Variants in DNAH9 observed in about 807,000 individuals in gnomAD.
The protein encoded by DNAH9 is DNAH9 variant protein.
A neutral mutation model predicts 471.6 loss-of-function variants in DNAH9; 345 were observed. The ratio of observed to expected loss-of-function variants is 0.73; its 90% CI spans 0.67 to 0.80. The LOEUF (loss-of-function observed/expected upper bound fraction) is 0.80, where lower values mean the gene tolerates loss of function less well. Among genes scored for constraint, DNAH9 ranks in the 30% least tolerant of loss-of-function variants. The pLI, the probability that DNAH9 is intolerant of heterozygous loss-of-function variation, is 0.00. For synonymous variants in DNAH9, 2,093 were observed against 2,123.6 expected, an observed-to-expected ratio of 0.99 and a Z score of 0.40; for missense variants, 5,407 against 5,609.2, an observed-to-expected ratio of 0.96 and a Z score of 1.15.
intron 1 of DNAH9, among the ~76,000 whole-genome samples, chr17:11,602,895 A>G (rs145184588): frequency 5.9e-5 from 9 of 152,152 alleles, no homozygotes; most frequent in African/African-American, 1.9e-4. Context: ...CCTGACTACA[A>G]CAGTCCTTTG....
At chr17:11,944,245 CAGA>C (rs1288870250) in intron 67 of DNAH9, among the ~76,000 whole-genome samples, 3 of 152,154 alleles carry the variant, frequency 2.0e-5, no homozygotes, top group Non-Finnish European at 4.4e-5. Context: ...CCTTCCCTTG[CAGA>C]AGGACAGTCT....
At chr17:11,810,758 C>T (rs1321109652) in intron 45 of DNAH9, among the ~76,000 whole-genome samples, 1 of 152,130 alleles carries the variant, frequency 6.6e-6, no homozygotes, top group Non-Finnish European at 1.5e-5. Context: ...CAGGAAGATA[C>T]ACAAAAAGAG....
chr17:11,758,711 G>A (rs755952839), intron 35 of DNAH9, among the ~76,000 whole-genome samples: 6 of 152,026 alleles, frequency 3.9e-5, no homozygotes, highest in South Asian at 4.1e-4. Context: ...CATATGCCCC[G>A]CCCCACACCC....
At chr17:11,834,978 G>A in intron 49 of DNAH9, 80 bp downstream of exon 49, 3 of 1,528,354 alleles carry the variant, frequency 2.0e-6, no homozygotes, top group Non-Finnish European at 2.6e-6. Context: ...CCCAAGAGAT[G>A]CAAGGACAAT....
intron 49 of DNAH9, among the ~76,000 whole-genome samples, chr17:11,843,483 G>C (rs1257971846): frequency 6.6e-6 from 1 of 151,878 alleles, no homozygotes; most frequent in Non-Finnish European, 1.5e-5. Context: ...TATATACTTT[G>C]TGTACTAGGA....
At position 11,598,755 on chromosome 17, in the gene DNAH9, G is replaced by T; in HGVS notation, c.257G>T (p.Gly86Val). 7.0e-7 allele frequency: 1 copy of T among 1,435,736 alleles called. No homozygotes were observed. Among genetic ancestry groups the T allele is most frequent in the East Asian group, 2.9e-5 (1 of 34,014 alleles). The allele number at this position is 1,435,736 out of a possible 1,614,324, so 88.9% of individuals were successfully genotyped here. A position where few individuals can be genotyped will look rare whatever the true frequency, so the allele number is the denominator to read the frequency against. Reference sequence around the variant, plus strand: ...CCCAGGGGCCTGGCAATACGCCCCGGGCTGGAGGTGGGACCTGAGTCGGGC... The same window carrying T: ...CCCAGGGGCCTGGCAATACGCCCCGTGCTGGAGGTGGGACCTGAGTCGGGC... The part of the protein sequence containing the change: ...PGPRGLAIRP[G>V]LEVGPESGLA... The change falls in exon 1 of 69, where the codon GGG becomes GTG. Residue 86 changes from glycine (G) to valine (V), a missense_variant. Coordinates refer to ENST00000262442, the MANE Select transcript of DNAH9 (RefSeq NM_001372.4).
At chr17:11,687,091 C>T (rs1316877929) in intron 19 of DNAH9, among the ~76,000 whole-genome samples, 1 of 152,138 alleles carries the variant, frequency 6.6e-6, no homozygotes. Flanking sequence ...TTCTTTCTTC[C>T]TCATAAGGGA....
At chr17:11,720,859 A>G (rs949467114) in intron 27 of DNAH9, among the ~76,000 whole-genome samples, 1 of 152,182 alleles carries the variant, frequency 6.6e-6, no homozygotes, top group Non-Finnish European at 1.5e-5. Flanking sequence ...GCTTTTATTG[A>G]TGAACACATT....
intron 50 of DNAH9, among the ~76,000 whole-genome samples, chr17:11,855,357 TTTAA>T (rs1231086000): frequency 6.6e-6 from 1 of 152,218 alleles, no homozygotes; most frequent in Non-Finnish European, 1.5e-5. Flanking sequence ...GTTACAACAA[TTTAA>T]TTAATTACAG....
intron 19 of DNAH9, 25 bp from the exon 20 acceptor site, chr17:11,689,541 C>A (rs376587540): frequency 6.3e-7 from 1 of 1,585,088 alleles, no homozygotes; most frequent in Non-Finnish European, 8.6e-7. Flanking sequence ...GCCATACTTA[C>A]AAAGGAACAC....
intron 55 of DNAH9, chr17:11,883,054 G>C: frequency 2.0e-6 from 2 of 987,082 alleles, no homozygotes; most frequent in Non-Finnish European, 2.4e-6. Context: ...AAGAGAGGAA[G>C]AGATGAGATC....
chr17:11,828,800 A>G (rs73980509), intron 48 of DNAH9, among the ~76,000 whole-genome samples: 9,460 of 152,138 alleles, frequency 0.062, 986 homozygotes, highest in African/African-American at 0.22. Context: ...CTAAACTCTG[A>G]GCAGTTATGC....
chr17:11,790,543 C>T (rs1969027303), intron 41 of DNAH9, among the ~76,000 whole-genome samples: 1 of 151,932 alleles, frequency 6.6e-6, no homozygotes, highest in Non-Finnish European at 1.5e-5. Flanking sequence ...TTGCACTCAG[C>T]TTTTCCATAT....
At chr17:11,952,309 C>CTTT (rs753276964) in intron 67 of DNAH9, among the ~76,000 whole-genome samples, 4,753 of 71,012 alleles carry the variant, frequency 0.067, 1,027 homozygotes, top group South Asian at 0.092. Flanking sequence ...CCAGCTAATT[C>CTTT]TTTTTTTTTT....
At chr17:11,753,092 C>A in intron 33 of DNAH9, 132 bp downstream of exon 33, 1 of 686,898 alleles carries the variant, frequency 1.5e-6, no homozygotes, top group Non-Finnish European at 2.3e-6. Flanking sequence ...TCATCAGCAT[C>A]TTCACCACAC....
At chr17:11,739,398 A>G (rs1017826894) in intron 29 of DNAH9, among the ~76,000 whole-genome samples, 1 of 152,212 alleles carries the variant, frequency 6.6e-6, no homozygotes, top group African/African-American at 2.4e-5. Context: ...TGCATGGTTT[A>G]CAATGTAATT....
At position 11,598,600 on chromosome 17, in the gene DNAH9, G is replaced by C; in HGVS notation, c.102G>C (p.Met34Ile). Reference protein sequence around the residue: ...RLRLLGTYVAMSLRPAAGAWE... With the variant: ...RLRLLGTYVAISLRPAAGAWE... ...GACTCCTGGGGACCTACGTGGCCAT[G>C]AGCCTGCGGCCGGCTGCGGGCGCCT... is the stretch of plus-strand genomic sequence containing the variant. The change falls in exon 1 of 69, where the codon ATG becomes ATC. Residue 34 changes from methionine to isoleucine, a missense_variant. Physicochemically the swap from Met to Ile is conservative, Grantham distance 10. Transcript: ENST00000262442. The C allele has an allele frequency of 1.5e-6, 2 of 1,359,866 alleles. No homozygotes were observed. Among genetic ancestry groups the C allele is most frequent in the Non-Finnish European group, 1.9e-6 (2 of 1,062,392 alleles). 84.2% of individuals were successfully genotyped at this position (1,359,866 alleles called of 1,614,324 possible).
chr17:11,969,079 G>T (rs1310235320), intron 68 of DNAH9, among the ~76,000 whole-genome samples: 1 of 152,136 alleles, frequency 6.6e-6, no homozygotes, highest in African/African-American at 2.4e-5. Flanking sequence ...ATAGCTTTTG[G>T]AACTCTGCTT....
At position 11,644,663 on chromosome 17, in the gene DNAH9, A is replaced by C; in HGVS notation, c.1934A>C (p.Gln645Pro). ...GAATCTGCAGAAGGAAAGCGAATGC[A>C]ACAAAAATATGAAGATATGCTGTCA... ...CMESAEGKRM[Q>P]QKYEDMLSLL... Residue 645 changes from glutamine (Q) to proline (P), a missense_variant, in exon 11 of 69, where the codon CAA becomes CCA. Gln to Pro is a moderately conservative substitution (Grantham distance 76). This residue lies in a region of DNAH9 where 4,636 missense variants were observed against 4,900.3 expected (regional missense o/e 0.95). Transcript: ENST00000262442. 1 of 1,613,376 alleles carries C rather than the reference A, an allele frequency of 6.2e-7. No individual in the cohort carries two copies. The highest frequency in any genetic ancestry group is 8.5e-7 in the Non-Finnish European group (1 of 1,179,616).
Sources: allele counts gnomAD v4.1 joint callset (sites outside exome capture counted in the v4.1 genomes callset), GRCh38; gene constraint gnomAD v4.1.1; regional missense constraint gnomAD v4.1.1; transcripts MANE v1.5; gene names NCBI Gene and HGNC (gene_info 2026-07-23, HGNC 2026-07-21).